Variants in MAGED1 observed in about 807,000 individuals in gnomAD.
MAGED1 encodes the protein MAGE family member D1.
A neutral mutation model predicts 54.1 loss-of-function variants in MAGED1; 3 were observed. That is an observed-to-expected ratio of 0.06 (90% CI 0.03 to 0.14). MAGED1 has a LOEUF of 0.14. Ranked by LOEUF, MAGED1 falls within the 10% of genes least tolerant of loss-of-function variation. MAGED1 has a pLI of 1.00. For missense variants in MAGED1, 485 were observed against 623.4 expected, an observed-to-expected ratio of 0.78 and a Z score of 2.36; for synonymous variants, 217 against 227.3, an observed-to-expected ratio of 0.95 and a Z score of 0.41.
At chrX:51,873,133 T>C (rs782179363) in intron 1 of MAGED1, among the ~76,000 whole-genome samples, 1 of 111,376 alleles carries the variant, frequency 9.0e-6, no homozygotes, top group Non-Finnish European at 1.9e-5. Context: ...TCAGGAAACT[T>C]ACAATCTTGG....
chrX:51,898,584 G>A lies in MAGED1; in HGVS notation c.1785G>A (p.Val595=). 1 of 1,206,347 alleles carries A rather than the reference G, an allele frequency of 8.3e-7. No individual in the cohort carries two copies. Among genetic ancestry groups the A allele is most frequent in the Non-Finnish European group, 1.1e-6 (1 of 892,994 alleles). ...ALRKMGLRPG[V]RHPLLGDLRK... ...GGTTTCCTTTTTTTACCTTCAGGGTGAGACATCCCCTCCTTGGAGATCTAA... is the reference window on the plus strand; with the variant it reads ...GGTTTCCTTTTTTTACCTTCAGGGTAAGACATCCCCTCCTTGGAGATCTAA... The change falls in exon 10 of 13, where the codon GTG becomes GTA. Residue 595 remains valine, a synonymous_variant. Transcript: ENST00000326587.
intron 1 of MAGED1, among the ~76,000 whole-genome samples, chrX:51,851,674 C>T (rs1294527113): frequency 9.2e-6 from 1 of 108,826 alleles, no homozygotes; most frequent in South Asian, 4.1e-4. Flanking sequence ...TAGCCAGCTA[C>T]TAGATGACTC....
intron 3 of MAGED1, 155 bp from the exon 4 acceptor site, chrX:51,896,254 G>GT: frequency 6.1e-6 from 3 of 495,665 alleles, no homozygotes; most frequent in Non-Finnish European, 9.9e-6. Flanking sequence ...ACTCCTGCCT[G>GT]GAAGACAGTG....
intron 1 of MAGED1, among the ~76,000 whole-genome samples, chrX:51,805,983 T>C (rs1397024921): frequency 3.7e-5 from 3 of 81,579 alleles, no homozygotes; most frequent in African/African-American, 1.4e-4. Flanking sequence ...TTTTTTTTTT[T>C]TTTTTTTTTT....
chrX:51,849,882 C>T (rs1557359611), intron 1 of MAGED1, among the ~76,000 whole-genome samples: 1 of 110,753 alleles, frequency 9.0e-6, no homozygotes, highest in African/African-American at 3.3e-5. Flanking sequence ...TTCCTTATAC[C>T]GCCAGAATTT....
rs782211711 is a variant in MAGED1, at chrX:51,900,314, C to G, written c.1959+18C>G. Reference sequence around the variant, plus strand: ...TTGCAGAGGTAATGGAGGAACTGTTCCAGCATTGATAGGTCAAGGGATGAA... The same window carrying G: ...TTGCAGAGGTAATGGAGGAACTGTTGCAGCATTGATAGGTCAAGGGATGAA... On this transcript the variant is annotated intron_variant, in intron 11 of 12. Transcript: ENST00000326587. The G allele has an allele frequency of 5.3e-6, 6 of 1,140,591 alleles. No individual in the cohort carries two copies. The East Asian group carries it at 1.2e-4, about 23-fold the overall frequency. 94.0% of individuals were successfully genotyped at this position (1,140,591 alleles called of 1,213,427 possible).
intron 9 of MAGED1, 95 bp from the exon 10 acceptor site, chrX:51,898,486 T>G: frequency 7.2e-6 from 7 of 977,702 alleles, no homozygotes; most frequent in South Asian, 2.3e-5. Context: ...AGTTCTGAAC[T>G]CTCTGCCTCT....
At chrX:51,806,466 G>T (rs2146945816) in intron 1 of MAGED1, among the ~76,000 whole-genome samples, 1 of 111,903 alleles carries the variant, frequency 8.9e-6, no homozygotes, top group East Asian at 2.8e-4. Context: ...TTAATTTTTT[G>T]GCTTGAGGAT....
At chrX:51,847,102 A>G (rs1174465771) in intron 1 of MAGED1, among the ~76,000 whole-genome samples, 1 of 112,361 alleles carries the variant, frequency 8.9e-6, no homozygotes, top group Non-Finnish European at 1.9e-5. Context: ...GAAAAGAATC[A>G]GAAAATAACA....
chrX:51,850,474 A>G (rs1926845801), intron 1 of MAGED1, among the ~76,000 whole-genome samples: 1 of 112,208 alleles, frequency 8.9e-6, no homozygotes, highest in Middle Eastern at 4.6e-3. Flanking sequence ...TGAGACTAAC[A>G]TAGATACGGG....
chrX:51,804,131 T>A (rs1924952077), intron 1 of MAGED1, among the ~76,000 whole-genome samples: 1 of 112,474 alleles, frequency 8.9e-6, no homozygotes, highest in Admixed American at 9.4e-5. Context: ...TGTACTTTTC[T>A]ATTACATTTG....
At chrX:51,848,578 C>T (rs1926767255) in intron 1 of MAGED1, among the ~76,000 whole-genome samples, 1 of 112,112 alleles carries the variant, frequency 8.9e-6, no homozygotes, top group African/African-American at 3.2e-5. Flanking sequence ...ACAGCCTCCC[C>T]TCACCCATAA....
intron 1 of MAGED1, among the ~76,000 whole-genome samples, chrX:51,858,552 C>T (rs1221536240): frequency 2.7e-5 from 3 of 111,917 alleles, no homozygotes; most frequent in Non-Finnish European, 5.6e-5. Context: ...TTCTCAAATG[C>T]TCACCCTAAC....
At chrX:51,845,280 CA>C (rs1401110833) in intron 1 of MAGED1, among the ~76,000 whole-genome samples, 7 of 111,247 alleles carry the variant, frequency 6.3e-5, no homozygotes, top group African/African-American at 2.3e-4. Flanking sequence ...AACAAACAAA[CA>C]AAAAATTTAG....
chrX:51,819,813 A>G (rs1557356374), intron 1 of MAGED1, among the ~76,000 whole-genome samples: 1 of 111,407 alleles, frequency 9.0e-6, no homozygotes. Context: ...AGTGAAGTCC[A>G]AGCTGTCTAA....
chrX:51,833,503 A>G (rs1431627968), intron 1 of MAGED1, among the ~76,000 whole-genome samples: 3 of 111,828 alleles, frequency 2.7e-5, no homozygotes, highest in Non-Finnish European at 5.6e-5. Flanking sequence ...TTTTATCTGA[A>G]TAATTCAATA....
At chrX:51,811,432 C>T (rs1398639854) in intron 1 of MAGED1, among the ~76,000 whole-genome samples, 1 of 112,026 alleles carries the variant, frequency 8.9e-6, no homozygotes, top group African/African-American at 3.2e-5. Context: ...GTATGTTAAA[C>T]ACAGGTTTGT....
At chrX:51,855,603 T>C (rs1557360128) in intron 1 of MAGED1, among the ~76,000 whole-genome samples, 1 of 111,070 alleles carries the variant, frequency 9.0e-6, no homozygotes, top group African/African-American at 3.3e-5. Context: ...TGTCTTTATC[T>C]CCTCTTCTTT....
At chrX:51,839,993 G>A (rs992203849) in intron 1 of MAGED1, among the ~76,000 whole-genome samples, 5 of 111,918 alleles carry the variant, frequency 4.5e-5, no homozygotes, top group African/African-American at 1.3e-4. Context: ...TTTCAATAAC[G>A]CTAATACATT....
Sources: allele counts gnomAD v4.1 joint callset (sites outside exome capture counted in the v4.1 genomes callset), GRCh38; gene constraint gnomAD v4.1.1; transcripts MANE v1.5; gene names NCBI Gene and HGNC (gene_info 2026-07-23, HGNC 2026-07-21).